The following PRDM6 variants were observed in gnomAD, a reference collection of about 807,000 sequenced individuals.
PRDM6 encodes PR/SET domain 6.
Under a neutral mutation model 60.8 loss-of-function variants are expected in PRDM6, and 25 were observed. That is an observed-to-expected ratio of 0.41 (90% CI 0.30 to 0.57). The LOEUF is 0.57. Among genes scored for constraint, PRDM6 ranks in the 20% least tolerant of loss-of-function variants. The pLI, the probability that PRDM6 is intolerant of heterozygous loss-of-function variation, is 0.27. For missense variants in PRDM6, 839 were observed against 821.3 expected (o/e 1.02, Z -0.26); for synonymous variants, 407 against 357.4 (o/e 1.14, Z -1.57).
Position 123,188,633 on chromosome 5 carries a change from C to T in PRDM6, c.*1432C>T, listed in dbSNP as rs934380662. The T allele has an allele frequency of 5.9e-5, 9 of 152,132 alleles. No homozygotes were observed. Among genetic ancestry groups the T allele is most frequent in the African/African-American group, 2.2e-4 (9 of 41,432 alleles). The allele number at this position is 152,132 out of a possible 1,614,324, so 9.4% of individuals were successfully genotyped here. On this transcript the variant is annotated 3_prime_UTR_variant, in exon 8 of 8. Transcript: ENST00000407847. ...AACAACAGTTTCTGTTTGTAAATTT[C>T]ATCATCACCTGATATCAGGACACAG...
chr5:123,160,837 A>G lies in PRDM6; in HGVS notation c.1153+1199A>G, dbSNP rs144335143. On this transcript the variant is annotated intron_variant, in intron 5 of 7. Coordinates refer to ENST00000407847, the MANE Select transcript of PRDM6 (RefSeq NM_001136239.4). ...TTCCACTGGAAAGTTTCTTTTCTGC[A>G]GCCATATTCCTGTTTGAGGGAGTTC... Among the ~76,000 whole-genome samples the G allele has an allele frequency of 4.1e-3, 622 of 152,312 alleles. 4 individuals are homozygous for G. Among genetic ancestry groups the G allele is most frequent in the African/African-American group, 0.014 (566 of 41,578 alleles).
chr5:123,169,600 A>G (rs1207128433), intron 5 of PRDM6, among the ~76,000 whole-genome samples: 1 of 152,236 alleles, frequency 6.6e-6, no homozygotes, highest in East Asian at 1.9e-4. Flanking sequence ...CCATAGGTCA[A>G]GCTCTTTACT....
At chr5:123,152,006 A>C (rs959333483) in intron 3 of PRDM6, among the ~76,000 whole-genome samples, 5 of 152,168 alleles carry the variant, frequency 3.3e-5, no homozygotes, top group African/African-American at 1.2e-4. Context: ...TAAAAAAAAA[A>C]ACAGAAAAAA....
In PRDM6 at chr5:123,100,602, C is replaced by T. The variant is rs149929453; in HGVS notation, c.900+641C>T. 2.6e-4 allele frequency among the ~76,000 whole-genome samples: 40 copies of T among 152,358 alleles called. 1 individual carries two copies. Among genetic ancestry groups the T allele is most frequent in the Non-Finnish European group, 4.6e-4 (31 of 68,036 alleles). On this transcript the variant is annotated intron_variant, in intron 3 of 7. Transcript: ENST00000407847. ...TGGGAATCAGAAATCGCAAATTCTG[C>T]TGCTTCTCTGATGAACGGAAATTAT...
intron 5 of PRDM6, among the ~76,000 whole-genome samples, chr5:123,168,361 A>G (rs139927476): frequency 0.01 from 1,589 of 152,310 alleles, 18 homozygotes; most frequent in African/African-American, 0.029. Flanking sequence ...AAACACAGCT[A>G]TTGAGCAGAG....
intron 1 of PRDM6, 137 bp from the exon 2 acceptor site, chr5:123,089,863 G>C (rs1414747863): frequency 9.3e-6 from 6 of 645,276 alleles, no homozygotes; most frequent in Admixed American, 3.0e-5. Flanking sequence ...AGCGGAGTTG[G>C]GAAGAGGGAG....
At chr5:123,096,423 A>G (rs964118959) in intron 2 of PRDM6, among the ~76,000 whole-genome samples, 2 of 152,176 alleles carry the variant, frequency 1.3e-5, no homozygotes, top group African/African-American at 4.8e-5. Context: ...CAATCCCAAG[A>G]AATGTTACTT....
chr5:123,138,191 A>G (rs1765011739), intron 3 of PRDM6, among the ~76,000 whole-genome samples: 1 of 152,244 alleles, frequency 6.6e-6, no homozygotes, highest in Non-Finnish European at 1.5e-5. Context: ...AAAAACAAGC[A>G]CATGAGTGAA....
intron 2 of PRDM6, among the ~76,000 whole-genome samples, chr5:123,093,282 C>G (rs911849181): frequency 2.0e-5 from 3 of 152,250 alleles, no homozygotes; most frequent in Middle Eastern, 3.4e-3. Flanking sequence ...GGGGGTGCCT[C>G]CTTACTTCTC....
intron 3 of PRDM6, among the ~76,000 whole-genome samples, chr5:123,133,352 T>A (rs970933594): frequency 2.4e-4 from 37 of 152,208 alleles, no homozygotes; most frequent in African/African-American, 8.9e-4. Flanking sequence ...CCTTTGATAG[T>A]ACTAGTAATC....
rs76622610 is a variant in PRDM6 at position 123,153,072 on chromosome 5, A to G, written c.901-2812A>G. Among the ~76,000 whole-genome samples, 79 of 152,348 alleles carry G rather than the reference A, an allele frequency of 5.2e-4. No individual in the cohort carries two copies. The East Asian group carries it at 0.013, about 26-fold the overall frequency. ...TGAAAATAGCAGCAACAACAATCAC[A>G]AAAGAAATCAGAGGCTGATAGTATA... is the stretch of plus-strand genomic sequence containing the variant. On this transcript the variant is annotated intron_variant, in intron 3 of 7. Coordinates refer to ENST00000407847, the MANE Select transcript of PRDM6 (RefSeq NM_001136239.4).
chr5:123,146,960 A>T (rs997648698), intron 3 of PRDM6, among the ~76,000 whole-genome samples: 8 of 152,154 alleles, frequency 5.3e-5, no homozygotes, highest in Non-Finnish European at 1.0e-4. Flanking sequence ...AAGAAGATAC[A>T]GGTTTTCTTG....
chr5:123,121,465 C>T (rs1460561192), intron 3 of PRDM6, among the ~76,000 whole-genome samples: 1 of 152,192 alleles, frequency 6.6e-6, no homozygotes, highest in Non-Finnish European at 1.5e-5. Flanking sequence ...TCACTGCAGC[C>T]TCAAACTCCT....
In PRDM6 at chr5:123,089,416, C is replaced by G. The variant is rs536111608; in HGVS notation, c.-119C>G. On this transcript the variant is annotated 5_prime_UTR_variant, in exon 1 of 8. Coordinates refer to ENST00000407847, the MANE Select transcript of PRDM6 (RefSeq NM_001136239.4). Reference sequence around the variant, plus strand: ...GGCACAATCTCTAGGACTCTCCTCCCGCGCTGCTCAGGGGCATGTAGCGCA... The same window carrying G: ...GGCACAATCTCTAGGACTCTCCTCCGGCGCTGCTCAGGGGCATGTAGCGCA... 695 of 152,960 alleles carry G rather than the reference C, an allele frequency of 4.5e-3. 6 individuals are homozygous for G. Among genetic ancestry groups the G allele is most frequent in the African/African-American group, 0.016 (663 of 41,466 alleles). 9.5% of individuals were successfully genotyped at this position (152,960 alleles called of 1,614,324 possible).
chr5:123,100,051 G>T, intron 3 of PRDM6, 90 bp downstream of exon 3: 2 of 1,336,494 alleles, frequency 1.5e-6, no homozygotes, highest in Non-Finnish European at 2.0e-6. Flanking sequence ...GCCTTTGGCT[G>T]TGGCAACTGC....
At chr5:123,132,602 G>C (rs899290420) in intron 3 of PRDM6, among the ~76,000 whole-genome samples, 16 of 152,140 alleles carry the variant, frequency 1.1e-4, no homozygotes, top group African/African-American at 3.4e-4. Context: ...AAATGCATCT[G>C]TGTTTTCTGC....
chr5:123,127,759 C>A (rs1764726945), intron 3 of PRDM6, among the ~76,000 whole-genome samples: 1 of 127,252 alleles, frequency 7.9e-6, no homozygotes, highest in African/African-American at 3.0e-5. Context: ...CCTTTCTTTC[C>A]TTTCTTTCTT....
chr5:123,126,029 A>C (rs1436214141), intron 3 of PRDM6, among the ~76,000 whole-genome samples: 1 of 152,144 alleles, frequency 6.6e-6, no homozygotes, highest in Non-Finnish European at 1.5e-5. Flanking sequence ...GGGAGCAGGA[A>C]TAGAAGATGT....
intron 7 of PRDM6, among the ~76,000 whole-genome samples, chr5:123,186,319 A>G (rs1766288087): frequency 6.6e-6 from 1 of 152,334 alleles, no homozygotes; most frequent in African/African-American, 2.4e-5. Flanking sequence ...AGATATGGAC[A>G]TGGGAGATAG....
Sources: allele counts gnomAD v4.1 joint callset (sites outside exome capture counted in the v4.1 genomes callset), GRCh38; gene constraint gnomAD v4.1.1; transcripts MANE v1.5; gene names NCBI Gene and HGNC (gene_info 2026-07-23, HGNC 2026-07-21).